The following SORCS2 variants were observed in gnomAD, a reference collection of about 807,000 sequenced individuals.
SORCS2 encodes the protein VPS10 domain-containing receptor SorCS2.
SORCS2 carries 100 observed loss-of-function variants against 141.6 expected under a neutral mutation model. That is an observed-to-expected ratio of 0.71 (90% confidence interval 0.60 to 0.83). The LOEUF (loss-of-function observed/expected upper bound fraction) is 0.83. Among genes scored for constraint, SORCS2 ranks in the 40% least tolerant of loss-of-function variants. The pLI, the probability that SORCS2 is intolerant of heterozygous loss-of-function variation, is 0.00. For synonymous variants in SORCS2, 789 were observed against 676.9 expected (o/e 1.17, Z -2.57); for missense variants, 1,646 against 1,560.2 (o/e 1.05, Z -0.93).
At chr4:7,697,128 G>C (rs996420208) in intron 11 of SORCS2, 70 bp from the exon 12 acceptor site, 2 of 1,372,024 alleles carry the variant, frequency 1.5e-6, no homozygotes, top group Non-Finnish European at 2.0e-6. Context: ...GTTTTTCCAT[G>C]CTCAGACTTG....
At chr4:7,368,675 G>T (rs942566996) in intron 1 of SORCS2, among the ~76,000 whole-genome samples, 1 of 152,246 alleles carries the variant, frequency 6.6e-6, no homozygotes, top group Non-Finnish European at 1.5e-5. Context: ...TCCCTGAGTG[G>T]CTCAGTCCCT....
chr4:7,247,342 T>C (rs1713167833), intron 1 of SORCS2, among the ~76,000 whole-genome samples: 1 of 152,170 alleles, frequency 6.6e-6, no homozygotes, highest in Non-Finnish European at 1.5e-5. Flanking sequence ...CTTTACTGTT[T>C]CTGGGTAATG....
At chr4:7,395,788 A>G (rs544974616) in intron 1 of SORCS2, among the ~76,000 whole-genome samples, 1 of 152,264 alleles carries the variant, frequency 6.6e-6, no homozygotes, top group African/African-American at 2.4e-5. Flanking sequence ...CCACTCCAGG[A>G]CAAGTAATGA....
intron 1 of SORCS2, among the ~76,000 whole-genome samples, chr4:7,238,841 G>T (rs1712480595): frequency 6.6e-6 from 1 of 152,220 alleles, no homozygotes; most frequent in South Asian, 2.1e-4. Context: ...GGCTGGGCCA[G>T]TGAGCCCTCT....
chr4:7,725,167 C>A lies in SORCS2; in HGVS notation c.2625C>A (p.Ala875=), dbSNP rs749474554. Residue 875 remains alanine, a synonymous_variant, in exon 20 of 27, where the codon GCC becomes GCA. Transcript: ENST00000507866. ...LFVQVNSPLQ[A]LYLEVVPVIG... is the part of the protein sequence containing the mutation. ...GGGTCCCCACAGCCCCCCTGCAGGCCCTCTACCTGGAGGTGGTTCCTGTCA... is the reference window on the plus strand; with the variant it reads ...GGGTCCCCACAGCCCCCCTGCAGGCACTCTACCTGGAGGTGGTTCCTGTCA... 2 of 1,613,336 alleles carry A rather than the reference C, an allele frequency of 1.2e-6. No individual in the cohort carries two copies. The highest frequency in any genetic ancestry group is 3.3e-5 in the Admixed American group (2 of 59,994).
intron 1 of SORCS2, among the ~76,000 whole-genome samples, chr4:7,210,429 G>A (rs545262922): frequency 6.6e-5 from 10 of 152,300 alleles, no homozygotes; most frequent in Non-Finnish European, 1.0e-4. Context: ...CTATAGGCAC[G>A]CGCTACCATG....
intron 2 of SORCS2, among the ~76,000 whole-genome samples, chr4:7,447,090 G>A (rs986527815): frequency 6.6e-6 from 1 of 152,194 alleles, no homozygotes; most frequent in Non-Finnish European, 1.5e-5. Context: ...ATAGAAGCAG[G>A]TCCCAAAAGG....
chr4:7,220,944 A>G (rs11727272), intron 1 of SORCS2, among the ~76,000 whole-genome samples: 5 of 152,316 alleles, frequency 3.3e-5, no homozygotes, highest in Admixed American at 1.3e-4. Context: ...AAAAGGAATG[A>G]TTTTTCAAAA....
intron 3 of SORCS2, among the ~76,000 whole-genome samples, chr4:7,554,675 A>G (rs1013572910): frequency 1.3e-5 from 2 of 152,226 alleles, no homozygotes; most frequent in African/African-American, 4.8e-5. Flanking sequence ...TCAGAGATGC[A>G]TAAAGATTCT....
At chr4:7,434,310 C>A (rs573810561) in intron 2 of SORCS2, 3 of 1,611,728 alleles carry the variant, frequency 1.9e-6, no homozygotes, top group Non-Finnish European at 2.5e-6. Flanking sequence ...GTCGGGAGAC[C>A]TGCCGTACAC....
chr4:7,525,038 G>T (rs1022163949), intron 2 of SORCS2, among the ~76,000 whole-genome samples: 1 of 152,236 alleles, frequency 6.6e-6, no homozygotes, highest in African/African-American at 2.4e-5. Flanking sequence ...GCGGGGAGAG[G>T]CAAAGGCCGG....
chr4:7,192,614 C>T lies in SORCS2; in HGVS notation c.-33C>T. 1.5e-5 allele frequency: 15 copies of T among 987,398 alleles called. No individual in the cohort carries two copies. The highest frequency in any genetic ancestry group is 1.8e-5 in the Non-Finnish European group (15 of 832,034). 61.2% of individuals were successfully genotyped at this position (987,398 alleles called of 1,614,324 possible). ...CCGCGGTCCCCTCGTCCGCGCCGCC[C>T]CGCCGCCGGCTCCGCTGCCGCCCCT... On this transcript the variant is annotated 5_prime_UTR_variant, in exon 1 of 27. Coordinates refer to ENST00000507866, the MANE Select transcript of SORCS2 (RefSeq NM_020777.3). This position sits in a 1 kb window ranked among gnomAD's most constrained non-coding sequence, Gnocchi z 4.0.
At chr4:7,740,120 G>A (rs1229896519) in intron 26 of SORCS2, 80 bp from the exon 27 acceptor site, 28 of 1,292,338 alleles carry the variant, frequency 2.2e-5, no homozygotes, top group Middle Eastern at 1.8e-4. Flanking sequence ...CACTGCCTGA[G>A]GCCACGACCG....
chr4:7,599,411 C>T (rs1353119156), intron 3 of SORCS2, among the ~76,000 whole-genome samples: 4 of 152,180 alleles, frequency 2.6e-5, no homozygotes, highest in Admixed American at 6.5e-5. Context: ...CGGTGTGCTC[C>T]GTGCAGATGT....
At chr4:7,200,047 T>C (rs1172541233) in intron 1 of SORCS2, among the ~76,000 whole-genome samples, 1 of 152,106 alleles carries the variant, frequency 6.6e-6, no homozygotes, top group Non-Finnish European at 1.5e-5. Context: ...TTGTCTTCGG[T>C]TGCCCCGCGT....
At chr4:7,312,667 C>T (rs531658344) in intron 1 of SORCS2, among the ~76,000 whole-genome samples, 1 of 152,078 alleles carries the variant, frequency 6.6e-6, no homozygotes, top group Non-Finnish European at 1.5e-5. Flanking sequence ...AGAAAGGGCT[C>T]CTGTCCATTA....
In SORCS2 at chr4:7,664,393, G is replaced by A. The variant is rs202243803; in HGVS notation, c.993G>A (p.Glu331=). The change falls in exon 7 of 27, where the codon GAG becomes GAA. Residue 331 remains glutamate (E), a synonymous_variant. Coordinates refer to ENST00000507866, the MANE Select transcript of SORCS2 (RefSeq NM_020777.3). This position sits in a 1 kb window ranked among gnomAD's most constrained non-coding sequence, Gnocchi z 4.7. ...YVTCAIHNCS[E]KMLTAPFAGP... ...CCTGCGCAATCCACAATTGCTCCGA[G>A]AAGATGCTGACAGCCCCATTCGCAG... is the stretch of plus-strand genomic sequence containing the variant. 6.2e-6 allele frequency: 10 copies of A among 1,613,790 alleles called. No homozygotes were observed. In the Admixed American group the frequency reaches 1.2e-4, roughly 19 times the overall value.
intron 10 of SORCS2, among the ~76,000 whole-genome samples, chr4:7,687,620 T>C (rs1560483953): frequency 6.6e-6 from 1 of 152,010 alleles, no homozygotes; most frequent in South Asian, 2.1e-4. Context: ...CTGGGGATGG[T>C]CTCAGTCCCT....
chr4:7,378,758 C>T (rs1722813775), intron 1 of SORCS2, among the ~76,000 whole-genome samples: 1 of 152,194 alleles, frequency 6.6e-6, no homozygotes, highest in Non-Finnish European at 1.5e-5. Context: ...GGCATTGCTC[C>T]CCATCTCCAC....
Sources: allele counts gnomAD v4.1 joint callset (sites outside exome capture counted in the v4.1 genomes callset), GRCh38; gene constraint gnomAD v4.1.1; non-coding constraint Gnocchi (gnomAD v3.1); transcripts MANE v1.5; gene names NCBI Gene and HGNC (gene_info 2026-07-23, HGNC 2026-07-21).